Variants in CNTNAP2 observed in about 807,000 individuals in gnomAD.
The protein encoded by CNTNAP2 is contactin associated protein 2.
A neutral mutation model predicts 155.2 loss-of-function variants in CNTNAP2; 98 were observed. The ratio of observed to expected loss-of-function variants is 0.63; its 90% confidence interval spans 0.54 to 0.75. CNTNAP2 has a LOEUF of 0.75. Among genes scored for constraint, CNTNAP2 ranks in the 30% least tolerant of loss-of-function variants. CNTNAP2 has a pLI of 0.00. For missense variants in CNTNAP2, 1,727 were observed against 1,688.1 expected, an observed-to-expected ratio of 1.02 and a Z score of -0.40; for synonymous variants, 651 against 631.2, an observed-to-expected ratio of 1.03 and a Z score of -0.47.
intron 13 of CNTNAP2, among the ~76,000 whole-genome samples, chr7:147,776,822 A>G (rs1177827152): frequency 6.6e-6 from 1 of 151,186 alleles, no homozygotes; most frequent in Non-Finnish European, 1.5e-5. Context: ...TTCTTTAGTC[A>G]TTTGTTTCTT....
intron 13 of CNTNAP2, among the ~76,000 whole-genome samples, chr7:147,657,528 A>C (rs1166812547): frequency 6.6e-6 from 1 of 151,738 alleles, no homozygotes; most frequent in African/African-American, 2.4e-5. Flanking sequence ...CCATCAATTC[A>C]ACATTGCTGT....
intron 14 of CNTNAP2, among the ~76,000 whole-genome samples, chr7:147,924,851 C>T (rs755948711): frequency 2.7e-4 from 41 of 151,980 alleles, no homozygotes; most frequent in African/African-American, 6.0e-4. Context: ...GGTGTGGTGG[C>T]GCACACCTGT....
intron 3 of CNTNAP2, among the ~76,000 whole-genome samples, chr7:147,018,443 C>T (rs917725438): frequency 6.6e-6 from 1 of 151,992 alleles, no homozygotes; most frequent in African/African-American, 2.4e-5. Flanking sequence ...GATTTTAACC[C>T]ATATTGCATA....
Position 146,631,193 on chromosome 7 carries a change from T to C in CNTNAP2, c.98-143078T>C, listed in dbSNP as rs1295374286. 3.9e-5 allele frequency among the ~76,000 whole-genome samples: 6 copies of C among 152,284 alleles called. No individual in the cohort carries two copies. The South Asian group carries it at 6.2e-4, about 16-fold the overall frequency. On this transcript the variant is annotated intron_variant, in intron 1 of 23. Transcript: ENST00000361727. The stretch of plus-strand genomic sequence containing the variant: ...GGCTACAGCAACCAATACAGCATGG[T>C]ACTGGTACCAAAACAGAAATATAGA...
intron 13 of CNTNAP2, among the ~76,000 whole-genome samples, chr7:147,838,960 G>A (rs1393735350): frequency 2.0e-5 from 3 of 152,094 alleles, no homozygotes; most frequent in African/African-American, 7.2e-5. Flanking sequence ...TTTATTAAGA[G>A]TATTGACTCA....
chr7:146,139,078 A>C (rs1797839696), intron 1 of CNTNAP2, among the ~76,000 whole-genome samples: 1 of 152,086 alleles, frequency 6.6e-6, no homozygotes, highest in Admixed American at 6.6e-5. Flanking sequence ...AGGCAAAATC[A>C]TCTGGCAGCA....
chr7:146,792,344 A>T (rs1802689844), intron 2 of CNTNAP2, among the ~76,000 whole-genome samples: 1 of 152,334 alleles, frequency 6.6e-6, no homozygotes, highest in South Asian at 2.1e-4. Context: ...AACAAAGCTG[A>T]TCTACATTTG....
intron 13 of CNTNAP2, among the ~76,000 whole-genome samples, chr7:147,885,725 G>A (rs555161788): frequency 6.6e-5 from 10 of 152,100 alleles, no homozygotes; most frequent in South Asian, 4.2e-4. Flanking sequence ...TGATGATGTC[G>A]GCCAACCTTT....
At chr7:146,551,031 G>A (rs930218358) in intron 1 of CNTNAP2, among the ~76,000 whole-genome samples, 18 of 152,048 alleles carry the variant, frequency 1.2e-4, no homozygotes, top group Non-Finnish European at 2.4e-4. Flanking sequence ...ATTTGGTAAC[G>A]TAAATATTTT....
chr7:147,475,307 A>C (rs1798298655), intron 10 of CNTNAP2, among the ~76,000 whole-genome samples: 1 of 152,180 alleles, frequency 6.6e-6, no homozygotes, highest in African/African-American at 2.4e-5. Flanking sequence ...ACTTTATCAA[A>C]TTGTTCTCCA....
At chr7:146,833,613 A>G (rs1803557654) in intron 2 of CNTNAP2, among the ~76,000 whole-genome samples, 1 of 152,150 alleles carries the variant, frequency 6.6e-6, no homozygotes, top group Admixed American at 6.6e-5. Flanking sequence ...ATACAGCCTC[A>G]TATAATCCAT....
intron 3 of CNTNAP2, among the ~76,000 whole-genome samples, chr7:147,030,748 A>T (rs181445764): frequency 3.7e-4 from 56 of 152,274 alleles, no homozygotes; most frequent in African/African-American, 1.3e-3. Flanking sequence ...GCCAGGCATG[A>T]TGATTCATGT....
chr7:147,087,473 TAA>T (rs1800302456), intron 4 of CNTNAP2, among the ~76,000 whole-genome samples: 1 of 152,224 alleles, frequency 6.6e-6, no homozygotes, highest in South Asian at 2.1e-4. Context: ...GCAACATATT[TAA>T]AAGTCATTGT....
intron 15 of CNTNAP2, among the ~76,000 whole-genome samples, chr7:148,081,930 G>A (rs932663622): frequency 6.6e-6 from 1 of 152,146 alleles, no homozygotes. Context: ...CTGATAGATG[G>A]AGTAAGCATA....
chr7:147,103,645 T>C (rs1800697550), intron 4 of CNTNAP2, among the ~76,000 whole-genome samples: 1 of 152,022 alleles, frequency 6.6e-6, no homozygotes. Flanking sequence ...ATTTACTAGT[T>C]TTTAATTAGT....
At chr7:146,196,556 G>A (rs989295344) in intron 1 of CNTNAP2, among the ~76,000 whole-genome samples, 7 of 150,738 alleles carry the variant, frequency 4.6e-5, no homozygotes, top group Non-Finnish European at 7.4e-5. Flanking sequence ...GGGAAAGGAG[G>A]GAGGGAGGGA....
intron 8 of CNTNAP2, among the ~76,000 whole-genome samples, chr7:147,266,404 G>T (rs747201667): frequency 3.9e-5 from 6 of 152,202 alleles, no homozygotes; most frequent in Admixed American, 1.3e-4. Flanking sequence ...TGTAGAGGCA[G>T]CCCCTATCTC....
chr7:146,347,692 A>G (rs190969893), intron 1 of CNTNAP2, among the ~76,000 whole-genome samples: 7 of 152,236 alleles, frequency 4.6e-5, no homozygotes, highest in Admixed American at 2.6e-4. Flanking sequence ...CAGACTCCCA[A>G]ATAGTTGGGA....
intron 3 of CNTNAP2, among the ~76,000 whole-genome samples, chr7:146,964,909 AC>A (rs370890762): frequency 3.6e-4 from 38 of 106,698 alleles, no homozygotes; most frequent in African/African-American, 1.1e-3. Context: ...GAGTTGACCA[AC>A]CCCTAATGTA....
Sources: gnomAD v4.1 joint callset for allele counts (sites outside exome capture counted in the v4.1 genomes callset) on GRCh38, gnomAD v4.1.1 for gene constraint, MANE v1.5 for transcripts, NCBI Gene and HGNC (gene_info 2026-07-23, HGNC 2026-07-21) for gene names.